Variants in CYRIB observed in about 807,000 individuals in gnomAD.
CYRIB encodes the protein CYFIP-related Rac1 interactor B.
CYRIB carries 8 observed loss-of-function variants against 44.2 expected under a neutral mutation model. That is an observed-to-expected ratio of 0.18 (90% CI 0.11 to 0.33). The LOEUF (loss-of-function observed/expected upper bound fraction) is 0.33. CYRIB is among the 10% of genes least tolerant of loss of function. The pLI, the probability that CYRIB is intolerant of heterozygous loss-of-function variation, is 1.00. For synonymous variants in CYRIB, 131 were observed against 127.2 expected, an observed-to-expected ratio of 1.03 and a Z score of -0.20; for missense variants, 185 against 382.8, an observed-to-expected ratio of 0.48 and a Z score of 4.31.
chr8:129,854,199 T>C, intron 7 of CYRIB, 67 bp downstream of exon 9: 2 of 1,210,954 alleles, frequency 1.7e-6, no homozygotes, highest in Non-Finnish European at 2.4e-6. Context: ...ACAAACAAAA[T>C]AATAAAATGA....
chr8:130,006,344 A>G (rs1483012554), intron 1 of CYRIB, among the ~76,000 whole-genome samples: 2 of 150,688 alleles, frequency 1.3e-5, no homozygotes, highest in East Asian at 3.9e-4. Context: ...TGCCGGGTAC[A>G]GTGGTGTGCA....
At chr8:129,850,812 GA>G in intron 9 of CYRIB, 22 bp downstream of exon 11, 1 of 1,570,964 alleles carries the variant, frequency 6.4e-7, no homozygotes. Context: ...CTGTTAAAGT[GA>G]AAAAGATCAG....
At chr8:129,848,593 C>T (rs901190266) in intron 10 of CYRIB, among the ~76,000 whole-genome samples, 4 of 152,138 alleles carry the variant, frequency 2.6e-5, no homozygotes, top group African/African-American at 4.8e-5. Flanking sequence ...AATTTCAAGA[C>T]AGGGTCTCTC....
At chr8:129,965,248 CTGTGTGTGTGTG>C (rs3077879) in intron 2 of CYRIB, among the ~76,000 whole-genome samples, 1 of 148,686 alleles carries the variant, frequency 6.7e-6, no homozygotes, top group African/African-American at 2.5e-5. Flanking sequence ...CCCCCAGACA[CTGTGTGTGTGTG>C]TGTGTGTGTG....
intron 1 of CYRIB, among the ~76,000 whole-genome samples, chr8:130,000,901 G>A (rs1359412144): frequency 6.6e-6 from 1 of 151,926 alleles, no homozygotes; most frequent in Non-Finnish European, 1.5e-5. Flanking sequence ...ATAAAAAATT[G>A]TCCTCCCAAA....
chr8:129,884,311 G>A (rs975698862), intron 2 of CYRIB, among the ~76,000 whole-genome samples: 14 of 151,856 alleles, frequency 9.2e-5, no homozygotes, highest in African/African-American at 2.2e-4. Context: ...TTTTTGAGAC[G>A]GGGTTTCACT....
chr8:129,903,422 T>C (rs549128129), intron 1 of CYRIB, 72 bp from the exon 4 acceptor site: 1 of 152,734 alleles, frequency 6.5e-6, no homozygotes, highest in African/African-American at 2.4e-5. Flanking sequence ...TTTATTACAG[T>C]TAACTTTAAA....
chr8:129,912,704 G>A (rs2078666695), intron 1 of CYRIB, among the ~76,000 whole-genome samples: 1 of 151,914 alleles, frequency 6.6e-6, no homozygotes, highest in South Asian at 2.1e-4. Context: ...AGGATGCCCA[G>A]GCTGGGGCTT....
In CYRIB at chr8:129,958,454, C is replaced by T. The variant is rs180809580; in HGVS notation, c.-243+12489G>A. Among the ~76,000 whole-genome samples, 111 of 152,246 alleles carry T rather than the reference C, an allele frequency of 7.3e-4. 1 individual carries two copies. Among genetic ancestry groups the T allele is most frequent in the Non-Finnish European group, 1.3e-3 (91 of 68,020 alleles). On this transcript the variant is annotated intron_variant, in intron 2 of 14. Transcript: ENST00000401979. ...CAGTTTAATTTAGGAATCACACTGG[C>T]TTTACATAAACTCTTTACCAAAAAA...
chr8:129,955,922 C>T (rs1371429960), intron 2 of CYRIB, among the ~76,000 whole-genome samples: 4 of 152,174 alleles, frequency 2.6e-5, no homozygotes, highest in East Asian at 1.9e-4. Flanking sequence ...TTGCATCCAT[C>T]GGGATGGGAT....
intron 1 of CYRIB, among the ~76,000 whole-genome samples, chr8:129,982,110 T>C (rs938784309): frequency 2.0e-5 from 3 of 152,216 alleles, no homozygotes; most frequent in Non-Finnish European, 4.4e-5. Flanking sequence ...TCCCAAGTCC[T>C]GGAAAACCCC....
intron 1 of CYRIB, among the ~76,000 whole-genome samples, chr8:130,012,244 G>A (rs1004984887): frequency 2.0e-5 from 3 of 152,116 alleles, no homozygotes; most frequent in Non-Finnish European, 4.4e-5. Flanking sequence ...TCCATGACTC[G>A]TCCATGTACT....
At chr8:130,006,674 G>GTGTATA (rs1564802479) in intron 1 of CYRIB, among the ~76,000 whole-genome samples, 3 of 33,112 alleles carry the variant, frequency 9.1e-5, no homozygotes, top group Non-Finnish European at 1.8e-4. Context: ...ATATATATAT[G>GTGTATA]TATATATATA....
intron 1 of CYRIB, among the ~76,000 whole-genome samples, chr8:129,914,897 T>G (rs2079908016): frequency 6.6e-6 from 1 of 152,144 alleles, no homozygotes; most frequent in South Asian, 2.1e-4. Flanking sequence ...AGGCAAAAGA[T>G]TTCAACAGAT....
intron 2 of CYRIB, chr8:129,903,090 A>G (rs1348376690): frequency 6.6e-6 from 1 of 152,408 alleles, no homozygotes; most frequent in Non-Finnish European, 1.5e-5. Context: ...TCCTAAAGAA[A>G]GAAAGCTGTT....
chr8:129,937,272 T>C (rs2092983989), intron 1 of CYRIB, among the ~76,000 whole-genome samples: 1 of 152,226 alleles, frequency 6.6e-6, no homozygotes, highest in Non-Finnish European at 1.5e-5. Context: ...ACTATTATAG[T>C]CTTGTTTTCC....
intron 10 of CYRIB, among the ~76,000 whole-genome samples, chr8:129,848,763 G>T (rs1035863368): frequency 1.3e-5 from 2 of 151,354 alleles, no homozygotes. Flanking sequence ...TAGAAATGGG[G>T]GTCTCACTAT....
At chr8:129,979,980 C>T (rs1016609437) in intron 1 of CYRIB, among the ~76,000 whole-genome samples, 3 of 151,890 alleles carry the variant, frequency 2.0e-5, no homozygotes, top group Non-Finnish European at 4.4e-5. Flanking sequence ...AACCCTTAAA[C>T]ATGAACCATC....
intron 5 of CYRIB, among the ~76,000 whole-genome samples, chr8:129,856,547 T>C (rs1174502984): frequency 1.3e-5 from 2 of 152,186 alleles, no homozygotes; most frequent in East Asian, 1.9e-4. Flanking sequence ...TCAGAGAAAA[T>C]AAGAGCTTAC....
Sources: allele counts gnomAD v4.1 joint callset (sites outside exome capture counted in the v4.1 genomes callset), GRCh38; gene constraint gnomAD v4.1.1; transcripts MANE v1.5; gene names NCBI Gene and HGNC (gene_info 2026-07-23, HGNC 2026-07-21).